The following MYLK variants were observed in gnomAD, a reference collection of about 807,000 sequenced individuals.
MYLK encodes the protein myosin light chain kinase.
Under a neutral mutation model 203.4 loss-of-function variants are expected in MYLK, and 106 were observed. That is an observed-to-expected ratio of 0.52 (90% CI 0.45 to 0.61). MYLK has a LOEUF of 0.61. MYLK is among the 20% of genes least tolerant of loss of function. MYLK has a pLI of 0.00. For missense variants in MYLK, 2,072 were observed against 2,442.3 expected (o/e 0.85, Z 3.20); for synonymous variants, 867 against 959.5 (o/e 0.90, Z 1.78).
chr3:123,848,777 A>T (rs2148662156), intron 2 of MYLK, among the ~76,000 whole-genome samples: 1 of 152,300 alleles, frequency 6.6e-6, no homozygotes, highest in Admixed American at 6.5e-5. Context: ...TTATGTTTAG[A>T]TGACTGGATG....
rs34542174 is a variant in MYLK, at chr3:123,700,839, C to T, written c.2629G>A (p.Val877Met). The part of the protein sequence containing the change: ...EDVRGVLKRR[V>M]ETRQHTEEAI... ...TCCTCAGTGTGCTGCCTCGTCTCCA[C>T]GCGCCTCTTCAGCACCCCTCGCACG... is the stretch of plus-strand genomic sequence containing the variant. The change falls in exon 18 of 34, where the codon GTG (valine) becomes ATG (methionine). Residue 877 changes from valine (V) to methionine (M), a missense_variant. By Grantham distance (21) the Val-to-Met change is conservative (BLOSUM62 1). Around this residue, in one of 3 missense-constraint regions of MYLK, gnomAD observed 865 missense variants for 1,016.0 expected, o/e 0.85. Transcript: ENST00000360304. 7.1e-5 allele frequency: 115 copies of T among 1,613,984 alleles called. No homozygotes were observed. The highest frequency in any genetic ancestry group is 1.6e-4 in the Middle Eastern group (1 of 6,084).
chr3:123,795,576 A>C (rs1577000796), intron 3 of MYLK, among the ~76,000 whole-genome samples: 2 of 152,206 alleles, frequency 1.3e-5, no homozygotes, highest in Admixed American at 1.3e-4. Flanking sequence ...AGGCTGGGAA[A>C]ACGTTGCAGT....
Position 123,733,098 on chromosome 3 carries a change from G to T in MYLK, c.1314C>A (p.Ser438=). 1 of 1,613,530 alleles carries T rather than the reference G, an allele frequency of 6.2e-7. No homozygotes were observed. Among genetic ancestry groups the T allele is most frequent in the African/African-American group, 1.3e-5 (1 of 75,038 alleles). ...AGGCCACTTCAGGCTTTGGAATCCC[G>T]GAAACTACAGGGCCAGGTAAAGAAC... ...NQTVKFRCEV[S]GIPKPEVAWF... The change falls in exon 11 of 34, where the codon TCC becomes TCA. Residue 438 remains serine (S), a synonymous_variant. Coordinates refer to ENST00000360304, the MANE Select transcript of MYLK (RefSeq NM_053025.4).
rs368887671 is a variant in MYLK, at chr3:123,722,524, CG to C, written c.1652-245del. 1.6e-4 allele frequency among the ~76,000 whole-genome samples: 24 copies of C among 151,956 alleles called. No homozygotes were observed. The East Asian group carries it at 1.9e-3, about 12-fold the overall frequency. On this transcript the variant is annotated intron_variant, in intron 12 of 33. Transcript: ENST00000360304. The stretch of plus-strand genomic sequence containing the variant: ...GTAATTGTGTGGTGGAGGAGGAAGA[CG>C]GGGCCTAGAGGGATGGGGGAGGGAG...
At chr3:123,828,094 T>A (rs1456548044) in intron 3 of MYLK, among the ~76,000 whole-genome samples, 1 of 151,302 alleles carries the variant, frequency 6.6e-6, no homozygotes, top group African/African-American at 2.4e-5. Flanking sequence ...TTCACATAAA[T>A]AGAAAAAAAA....
Position 123,612,789 on chromosome 3 carries a change from T to G in MYLK, c.*1316A>C, listed in dbSNP as rs530336439. ...TAAAAAGTCCCTTAAAAATATTAAATTGTTGCACCTTACAAACAGTGGAAA... is the reference window on the plus strand; with the variant it reads ...TAAAAAGTCCCTTAAAAATATTAAAGTGTTGCACCTTACAAACAGTGGAAA... On this transcript the variant is annotated 3_prime_UTR_variant, in exon 34 of 34. Coordinates refer to ENST00000360304, the MANE Select transcript of MYLK (RefSeq NM_053025.4). 6.5e-6 allele frequency: 1 copy of G among 152,678 alleles called. No individual in the cohort carries two copies. The highest frequency in any genetic ancestry group is 2.1e-4 in the South Asian group (1 of 4,822). The allele number at this position is 152,678 out of a possible 1,614,324, so 9.5% of individuals were successfully genotyped here.
intron 4 of MYLK, among the ~76,000 whole-genome samples, chr3:123,784,699 ATGT>A (rs2109051431): frequency 6.6e-6 from 1 of 152,352 alleles, no homozygotes; most frequent in South Asian, 2.1e-4. Context: ...TATTGTATAA[ATGT>A]TGTTTTCAGA....
chr3:123,619,990 C>G (rs969558774), intron 32 of MYLK, among the ~76,000 whole-genome samples: 3 of 151,920 alleles, frequency 2.0e-5, no homozygotes, highest in Non-Finnish European at 2.9e-5. Flanking sequence ...CAAATAACAA[C>G]TTTCCCTCCG....
intron 3 of MYLK, among the ~76,000 whole-genome samples, chr3:123,818,688 TCAAAAA>T (rs1047409929): frequency 2.0e-5 from 3 of 152,058 alleles, no homozygotes; most frequent in African/African-American, 7.2e-5. Context: ...AGACCCTCTC[TCAAAAA>T]CAAAAACAAA....
At chr3:123,764,505 G>A (rs1221752525) in intron 4 of MYLK, among the ~76,000 whole-genome samples, 4 of 152,232 alleles carry the variant, frequency 2.6e-5, no homozygotes, top group Admixed American at 6.5e-5. Flanking sequence ...CTGTCTACCA[G>A]CATTTAGTAC....
intron 5 of MYLK, among the ~76,000 whole-genome samples, chr3:123,749,731 G>C (rs533111554): frequency 1.3e-5 from 2 of 152,254 alleles, no homozygotes; most frequent in South Asian, 4.2e-4. Flanking sequence ...CACACTGTGG[G>C]GCAGCCATGA....
chr3:123,632,757 G>A (rs1200991886), intron 29 of MYLK, among the ~76,000 whole-genome samples: 4 of 152,006 alleles, frequency 2.6e-5, no homozygotes, highest in Non-Finnish European at 5.9e-5. Flanking sequence ...ACCTTTTTGG[G>A]GAACTTTTTC....
At chr3:123,696,412 G>A (rs1279454985) in intron 18 of MYLK, among the ~76,000 whole-genome samples, 4 of 152,018 alleles carry the variant, frequency 2.6e-5, no homozygotes, top group Non-Finnish European at 5.9e-5. Context: ...TCAGGAAGCC[G>A]GGGGCAGGGC....
chr3:123,659,375 C>T (rs1560030732), intron 23 of MYLK, among the ~76,000 whole-genome samples: 1 of 152,214 alleles, frequency 6.6e-6, no homozygotes, highest in Non-Finnish European at 1.5e-5. Flanking sequence ...TTGTACCCTA[C>T]CCTGTTACAC....
intron 11 of MYLK, among the ~76,000 whole-genome samples, chr3:123,729,754 G>A (rs902567268): frequency 6.6e-6 from 1 of 151,892 alleles, no homozygotes; most frequent in African/African-American, 2.4e-5. Flanking sequence ...AGTGGCATAT[G>A]CCTGTGGTCC....
intron 3 of MYLK, among the ~76,000 whole-genome samples, chr3:123,797,058 T>C (rs1382058633): frequency 6.6e-6 from 1 of 152,134 alleles, no homozygotes; most frequent in Non-Finnish European, 1.5e-5. Context: ...CCAGGTGGTT[T>C]TATGGGTACA....
At chr3:123,769,894 T>C (rs2063820295) in intron 4 of MYLK, among the ~76,000 whole-genome samples, 1 of 152,210 alleles carries the variant, frequency 6.6e-6, no homozygotes, top group South Asian at 2.1e-4. Context: ...TTTTATTCCG[T>C]TGAATTTATT....
intron 4 of MYLK, among the ~76,000 whole-genome samples, chr3:123,775,987 G>A (rs924289381): frequency 2.0e-5 from 3 of 152,174 alleles, no homozygotes; most frequent in African/African-American, 7.2e-5. Flanking sequence ...CCTGATCTCT[G>A]AGTCTGCTTG....
At chr3:123,800,713 A>G (rs1475541254) in intron 3 of MYLK, among the ~76,000 whole-genome samples, 1 of 152,234 alleles carries the variant, frequency 6.6e-6, no homozygotes, top group East Asian at 1.9e-4. Context: ...ACCTTGGGGC[A>G]GACTGTGGAC....
Sources: gnomAD v4.1 joint callset for allele counts (sites outside exome capture counted in the v4.1 genomes callset) on GRCh38, gnomAD v4.1.1 for gene constraint, gnomAD v4.1.1 regional missense constraint, MANE v1.5 for transcripts, NCBI Gene and HGNC (gene_info 2026-07-23, HGNC 2026-07-21) for gene names.